CD109: variants seen among roughly 807,000 people sequenced by gnomAD.
CD109 encodes CD109 antigen.
Under a neutral mutation model 165.8 loss-of-function variants are expected in CD109, and 149 were observed. That is an observed-to-expected ratio of 0.90 (90% CI 0.79 to 1.03). The LOEUF is 1.03. Ranked by LOEUF, CD109 falls within the 50% of genes least tolerant of loss-of-function variation. The pLI, the probability that CD109 is intolerant of heterozygous loss-of-function variation, is 0.00. For synonymous variants in CD109, 585 were observed against 592.1 expected (o/e 0.99, Z 0.18); for missense variants, 1,712 against 1,677.8 (o/e 1.02, Z -0.36).
At chr6:73,682,774 T>G in the CD109 span, among the ~76,000 whole-genome samples, 2 of 152,200 alleles carry the variant, frequency 1.3e-5, no homozygotes, top group Non-Finnish European at 2.9e-5. Flanking sequence ...CTGAAATCTT[T>G]CCCAAGCCTT....
At chr6:73,819,289 C>A (rs1562089463) in intron 31 of CD109, among the ~76,000 whole-genome samples, 1 of 152,180 alleles carries the variant, frequency 6.6e-6, no homozygotes, top group Non-Finnish European at 1.5e-5. Context: ...TGTTACATAA[C>A]CTTCGTGTAC....
At position 73,697,536 on chromosome 6, in the gene CD109, G is replaced by C. The variant is rs1582024225; in HGVS notation, c.211G>C (p.Val71Leu). The C allele has an allele frequency of 1.9e-6, 3 of 1,614,110 alleles. No homozygotes were observed. Among genetic ancestry groups the C allele is most frequent in the Non-Finnish European group, 1.7e-6 (2 of 1,180,002 alleles). ...GCTCAAGACAGCATCAAACCTCACT[G>C]TCTCTGTCCTGGAAGCAGAAGGAGT... is the stretch of plus-strand genomic sequence containing the variant. ...ELLKTASNLT[V>L]SVLEAEGVFE... is the part of the protein sequence containing the mutation. Residue 71 changes from valine to leucine, a missense_variant, in exon 2 of 33, where the codon GTC becomes CTC. Val to Leu is a conservative substitution (Grantham distance 32). Transcript: ENST00000287097.
chr6:73,764,182 C>G (rs1457352059), intron 10 of CD109, among the ~76,000 whole-genome samples: 6 of 152,144 alleles, frequency 3.9e-5, no homozygotes, highest in Non-Finnish European at 5.9e-5. Flanking sequence ...GGGCTCAGTC[C>G]CTACCCTCAG....
At chr6:73,775,289 C>A (rs1774200511) in intron 15 of CD109, among the ~76,000 whole-genome samples, 1 of 151,958 alleles carries the variant, frequency 6.6e-6, no homozygotes, top group African/African-American at 2.4e-5. Context: ...AGCAAATTTA[C>A]ATATTTATCA....
intron 24 of CD109, among the ~76,000 whole-genome samples, chr6:73,806,257 C>G (rs1470847987): frequency 6.6e-6 from 1 of 150,984 alleles, no homozygotes; most frequent in Non-Finnish European, 1.5e-5. Context: ...CAAACTATCG[C>G]AAGGACAAAA....
At position 73,697,873 on chromosome 6, in the gene CD109, A is replaced by G. The variant is rs148053046; in HGVS notation, c.247+301A>G. 2.3e-3 allele frequency among the ~76,000 whole-genome samples: 343 copies of G among 152,286 alleles called. 2 individuals carry two copies. The highest frequency in any genetic ancestry group is 8.0e-3 in the African/African-American group (332 of 41,564). ...AAGGGGAAGAGGATGGGAAGAGCATATGGAAGGTTTTTATGGGATAGGCCT... is the reference window on the plus strand; with the variant it reads ...AAGGGGAAGAGGATGGGAAGAGCATGTGGAAGGTTTTTATGGGATAGGCCT... On this transcript the variant is annotated intron_variant, in intron 2 of 32. Transcript: ENST00000287097.
At chr6:73,712,518 G>A (rs547986312) in intron 2 of CD109, among the ~76,000 whole-genome samples, 4 of 151,816 alleles carry the variant, frequency 2.6e-5, no homozygotes, top group Non-Finnish European at 5.9e-5. Flanking sequence ...TTGGATTTCC[G>A]GTTACACACT....
chr6:73,786,626 A>G (rs932973011), intron 20 of CD109, among the ~76,000 whole-genome samples: 3 of 152,006 alleles, frequency 2.0e-5, no homozygotes, highest in Admixed American at 6.5e-5. Flanking sequence ...TACACCCACA[A>G]AAGATACCTT....
intron 2 of CD109, among the ~76,000 whole-genome samples, chr6:73,702,949 C>G (rs1277702251): frequency 1.3e-5 from 2 of 152,194 alleles, no homozygotes; most frequent in African/African-American, 4.8e-5. Flanking sequence ...AGACACATCC[C>G]TAGGAGGGGA....
intron 17 of CD109, 53 bp downstream of exon 17, chr6:73,781,372 A>G (rs1030950569): frequency 7.3e-7 from 1 of 1,376,218 alleles, no homozygotes; most frequent in Non-Finnish European, 1.0e-6. Flanking sequence ...GATATTCAAC[A>G]TTACTTATAT....
rs76647444 is a variant in CD109, at chr6:73,815,230, G to T, written c.3911+107G>T. 5.5e-3 allele frequency: 5,014 copies of T among 912,628 alleles called. 211 individuals carry two copies. The African/African-American group carries it at 0.08, about 15-fold the overall frequency. The allele number at this position is 912,628 out of a possible 1,614,324, so 56.5% of individuals were successfully genotyped here. On this transcript the variant is annotated intron_variant, in intron 30 of 32. Coordinates refer to ENST00000287097, the MANE Select transcript of CD109 (RefSeq NM_133493.5). ...CAATCTAAGAGTTATATTGAACAAAGAATTCAGTTATGCACTACACTTCAG... is the reference window on the plus strand; with the variant it reads ...CAATCTAAGAGTTATATTGAACAAATAATTCAGTTATGCACTACACTTCAG...
rs375323176 is a variant in CD109, at chr6:73,714,144, T to C, written c.248-9107T>C. Among the ~76,000 whole-genome samples the C allele has an allele frequency of 2.8e-4, 42 of 152,354 alleles. No homozygotes were observed. The South Asian group carries it at 7.9e-3, about 29-fold the overall frequency. On this transcript the variant is annotated intron_variant, in intron 2 of 32. Coordinates refer to ENST00000287097, the MANE Select transcript of CD109 (RefSeq NM_133493.5). ...GCAGTTTGTTTCTATTTTATTCCAA[T>C]GTGGGACATTGTGGTGGATGCTGTG... is the stretch of plus-strand genomic sequence containing the variant.
At chr6:73,790,441 A>G (rs904737734) in intron 22 of CD109, among the ~76,000 whole-genome samples, 1 of 152,194 alleles carries the variant, frequency 6.6e-6, no homozygotes, top group Admixed American at 6.5e-5. Flanking sequence ...AAATGGTGTT[A>G]TTAATCAGGG....
At chr6:73,766,535 G>A (rs1053575240) in intron 11 of CD109, among the ~76,000 whole-genome samples, 1 of 146,646 alleles carries the variant, frequency 6.8e-6, no homozygotes, top group African/African-American at 2.5e-5. Flanking sequence ...ATGTGTGTGT[G>A]TATATATATA....
chr6:73,744,055 A>T (rs148280648), intron 5 of CD109, among the ~76,000 whole-genome samples: 5 of 152,226 alleles, frequency 3.3e-5, no homozygotes, highest in South Asian at 4.1e-4. Flanking sequence ...GGTAAGATAT[A>T]TATGTAAAAT....
At chr6:73,693,151 A>AT (rs977866183), upstream of CD109, among the ~76,000 whole-genome samples, 85 of 73,470 alleles carry the variant, frequency 1.2e-3, no homozygotes, top group African/African-American at 5.1e-3. Context: ...TGGGTAATTT[A>AT]TTAAAAAAAA....
upstream of CD109, among the ~76,000 whole-genome samples, chr6:73,692,110 C>T (rs1411417343): frequency 1.3e-5 from 2 of 151,984 alleles, no homozygotes; most frequent in Non-Finnish European, 2.9e-5. Context: ...AAGAACAGCA[C>T]CACGGGGGAA....
chr6:73,812,132 G>T (rs1775778056), intron 28 of CD109, 73 bp from the exon 29 acceptor site: 4 of 928,580 alleles, frequency 4.3e-6, no homozygotes, highest in South Asian at 1.4e-5. Context: ...GGATAGGACT[G>T]ATCTGTTTTG....
intron 24 of CD109, among the ~76,000 whole-genome samples, chr6:73,803,714 A>AGTGT (rs1554183599): frequency 1.7e-4 from 15 of 89,630 alleles, no homozygotes; most frequent in Non-Finnish European, 3.1e-4. Context: ...TGTGTGTGTA[A>AGTGT]AAAACAAACA....
Sources: allele counts gnomAD v4.1 joint callset (sites outside exome capture counted in the v4.1 genomes callset), GRCh38; gene constraint gnomAD v4.1.1; transcripts MANE v1.5; gene names NCBI Gene and HGNC (gene_info 2026-07-23, HGNC 2026-07-21).